LACTBL1: variants seen among roughly 807,000 people sequenced by gnomAD.
LACTBL1 encodes the protein lactamase beta like 1.
LACTBL1 carries 29 observed loss-of-function variants against 39.6 expected under a neutral mutation model. The observed-to-expected ratio is 0.73, with a 90% CI of 0.55 to 1.00. LACTBL1 has a LOEUF of 1.00. Among genes scored for constraint, LACTBL1 ranks in the 50% least tolerant of loss-of-function variants. The pLI, the probability that LACTBL1 is intolerant of heterozygous loss-of-function variation, is 0.00. For synonymous variants in LACTBL1, 361 were observed against 360.7 expected (o/e 1.00, Z -0.01); for missense variants, 711 against 748.5 (o/e 0.95, Z 0.59).
intron 3 of LACTBL1, among the ~76,000 whole-genome samples, 160 bp downstream of exon 5, chr1:22,959,782 G>A (rs947407397): frequency 3.9e-5 from 6 of 152,176 alleles, no homozygotes; most frequent in Non-Finnish European, 8.8e-5. Flanking sequence ...AGTCCTCTCT[G>A]GACTTCGGTC....
At chr1:22,966,110 T>C (rs76914895), upstream of LACTBL1, among the ~76,000 whole-genome samples, 7,055 of 152,328 alleles carry the variant, frequency 0.046, 268 homozygotes, top group South Asian at 0.11. Flanking sequence ...TATATCTCAA[T>C]ACAATTCCTT....
At chr1:22,971,274 C>G in the LACTBL1 span, among the ~76,000 whole-genome samples, 1 of 152,162 alleles carries the variant, frequency 6.6e-6, no homozygotes, top group African/African-American at 2.4e-5. Flanking sequence ...TGTAGCCCTC[C>G]TCTGGGGCCT....
upstream of LACTBL1, among the ~76,000 whole-genome samples, chr1:22,970,087 GT>G (rs1640922964): frequency 6.6e-6 from 1 of 152,178 alleles, no homozygotes; most frequent in Non-Finnish European, 1.5e-5. Flanking sequence ...CTTGTAAAGA[GT>G]TTACTTTTAC....
the LACTBL1 span, among the ~76,000 whole-genome samples, chr1:22,970,583 G>T: frequency 1.3e-5 from 2 of 152,042 alleles, no homozygotes; most frequent in African/African-American, 4.8e-5. Flanking sequence ...CGAGGCAGGA[G>T]GATCACTTGA....
chr1:22,968,844 G>A (rs560003855), upstream of LACTBL1, among the ~76,000 whole-genome samples: 1 of 152,194 alleles, frequency 6.6e-6, no homozygotes, highest in African/African-American at 2.4e-5. Context: ...AAATAACATT[G>A]TCTGACACAT....
intron 1 of LACTBL1, among the ~76,000 whole-genome samples, chr1:22,964,414 G>A (rs1478210862): frequency 6.6e-6 from 1 of 152,190 alleles, no homozygotes; most frequent in Non-Finnish European, 1.5e-5. Flanking sequence ...GGTCTTGAGA[G>A]CAGGAGTCCA....
chr1:22,970,976 G>C, the LACTBL1 span, among the ~76,000 whole-genome samples: 3 of 152,194 alleles, frequency 2.0e-5, no homozygotes, highest in African/African-American at 7.2e-5. Flanking sequence ...AAGGCTCTCA[G>C]ATATTGCCAC....
chr1:22,953,196 G>C, exon 6 of LACTBL1: 1 of 1,232,132 alleles, frequency 8.1e-7, no homozygotes, highest in Non-Finnish European at 1.0e-6. Flanking sequence ...GCCACGCGTC[G>C]CCGAGTGGCA....
chr1:22,953,672 C>A (rs148988625), exon 6 of LACTBL1: 33,161 of 1,274,046 alleles, frequency 0.026, 456 homozygotes, highest in Non-Finnish European at 0.029. Context: ...AAGTAGGCGC[C>A]CGGGCAGGCC....
At position 22,958,785 on chromosome 1, in the gene LACTBL1, T is replaced by C. The variant is rs527593129; in HGVS notation, c.453A>G (p.Ala151=). 4 of 1,550,684 alleles carry C rather than the reference T, an allele frequency of 2.6e-6. No individual in the cohort carries two copies. In the East Asian group the frequency reaches 9.8e-5, roughly 38 times the overall value. ...CCATCAGGCCCTGCTGTTCGGCTGA[T>C]GCCAGGCCCAGCGGGTTGTTAATGG... Residue 151 remains alanine, a synonymous_variant, in exon 4 of 6, where the codon GCA becomes GCG. Coordinates refer to ENST00000426928, the Ensembl canonical transcript of LACTBL1.
At chr1:22,964,113 T>C (rs1311962041) in intron 1 of LACTBL1, among the ~76,000 whole-genome samples, 1 of 152,126 alleles carries the variant, frequency 6.6e-6, no homozygotes, top group Non-Finnish European at 1.5e-5. Flanking sequence ...ATTTTTGTAT[T>C]TTTAGTAAAG....
At chr1:22,960,617 CAAAAAAAA>C (rs35006759) in intron 2 of LACTBL1, among the ~76,000 whole-genome samples, 5 of 38,008 alleles carry the variant, frequency 1.3e-4, no homozygotes, top group African/African-American at 2.1e-4. Flanking sequence ...AACTCCGTCT[CAAAAAAAA>C]AAAAAAAAAA....
At chr1:22,958,985 C>T (rs1161884599) in intron 3 of LACTBL1, 65 bp from the exon 6 acceptor site, 7 of 1,066,536 alleles carry the variant, frequency 6.6e-6, no homozygotes, top group Non-Finnish European at 9.5e-6. Flanking sequence ...CCACCTCCTG[C>T]CCCCATCCTG....
chr1:22,969,182 G>T (rs1322233853), upstream of LACTBL1, among the ~76,000 whole-genome samples: 1 of 152,200 alleles, frequency 6.6e-6, no homozygotes. Context: ...TATGGTGCGT[G>T]TGTGTGCTTA....
the LACTBL1 span, chr1:22,972,853 C>T: frequency 1.0e-6 from 1 of 985,284 alleles, no homozygotes; most frequent in Non-Finnish European, 1.2e-6. Flanking sequence ...CCCTGTGTTC[C>T]AGAGGACAGG....
intron 1 of LACTBL1, among the ~76,000 whole-genome samples, chr1:22,964,517 G>A (rs1332046963): frequency 6.6e-6 from 1 of 152,210 alleles, no homozygotes; most frequent in African/African-American, 2.4e-5. Flanking sequence ...CAGCAGAGCT[G>A]CCAGCCAGCC....
chr1:22,958,727 G>C, exon 4 of LACTBL1: 5 of 1,550,466 alleles, frequency 3.2e-6, no homozygotes, highest in Non-Finnish European at 4.4e-6. Context: ...ACAGGTGAAG[G>C]CCTTGGGGCG....
chr1:22,958,969 C>T (rs1185438841), intron 3 of LACTBL1, 49 bp from the exon 6 acceptor site: 4 of 1,272,154 alleles, frequency 3.1e-6, no homozygotes, highest in Non-Finnish European at 4.4e-6. Flanking sequence ...CTGTTGGCCC[C>T]ACAACCCACC....
At chr1:22,957,447 A>C (rs1268350327) in intron 4 of LACTBL1, among the ~76,000 whole-genome samples, 1 of 152,116 alleles carries the variant, frequency 6.6e-6, no homozygotes, top group African/African-American at 2.4e-5. Flanking sequence ...ATTGCCCTCC[A>C]TACGGCTGCA....
Sources: gnomAD v4.1 joint callset for allele counts (sites outside exome capture counted in the v4.1 genomes callset) on GRCh38, gnomAD v4.1.1 for gene constraint, MANE v1.5 for transcripts, NCBI Gene and HGNC (gene_info 2026-07-23, HGNC 2026-07-21) for gene names.